The following SLC25A17 variants were observed in gnomAD, a reference collection of about 807,000 sequenced individuals.
SLC25A17 encodes solute carrier family 25 member 17.
Under a neutral mutation model 38.5 loss-of-function variants are expected in SLC25A17, and 26 were observed. That is an observed-to-expected ratio of 0.68 (90% CI 0.50 to 0.94). The LOEUF (loss-of-function observed/expected upper bound fraction) is 0.94, where lower values mean the gene tolerates loss of function less well. SLC25A17 is among the 40% of genes least tolerant of loss of function. The probability of loss-of-function intolerance (pLI) is 0.00; values close to 1 mark genes in which losing one functional copy is unlikely to be tolerated. For missense variants in SLC25A17, 333 were observed against 372.7 expected, an observed-to-expected ratio of 0.89 and a Z score of 0.88; for synonymous variants, 139 against 136.2, an observed-to-expected ratio of 1.02 and a Z score of -0.14.
intron 1 of SLC25A17, among the ~76,000 whole-genome samples, chr22:40,803,941 T>G (rs1271143011): frequency 6.6e-6 from 1 of 152,216 alleles, no homozygotes; most frequent in Non-Finnish European, 1.5e-5. Context: ...GGGCAAGTCC[T>G]TTCTCTGAAT....
intron 7 of SLC25A17, among the ~76,000 whole-genome samples, chr22:40,776,467 T>C (rs987236666): frequency 3.3e-5 from 5 of 152,276 alleles, no homozygotes; most frequent in African/African-American, 9.6e-5. Context: ...AGCAAACTTA[T>C]GCTTTCCTGA....
rs6002131 is a variant in SLC25A17 at position 40,781,294 on chromosome 22, G to A, written c.335-2169C>T. Reference sequence around the variant, plus strand: ...GGAGTCTCGCTCTTTCGCCCAGGCCGGAGTGCAGTGGTTCTATCTCGGCTC... The same window carrying A: ...GGAGTCTCGCTCTTTCGCCCAGGCCAGAGTGCAGTGGTTCTATCTCGGCTC... On this transcript the variant is annotated intron_variant, in intron 4 of 8. Transcript: ENST00000435456. Among the ~76,000 whole-genome samples the A allele has an allele frequency of 3.7e-3, 552 of 150,360 alleles. 5 individuals carry two copies. Among genetic ancestry groups the A allele is most frequent in the African/African-American group, 0.013 (516 of 40,826 alleles).
At chr22:40,786,506 T>G (rs2057339826) in intron 4 of SLC25A17, among the ~76,000 whole-genome samples, 1 of 152,216 alleles carries the variant, frequency 6.6e-6, no homozygotes, top group Non-Finnish European at 1.5e-5. Context: ...AGTATTTGCA[T>G]GTAACCTACA....
At chr22:40,810,711 G>A (rs200717694) in intron 1 of SLC25A17, among the ~76,000 whole-genome samples, 2 of 152,064 alleles carry the variant, frequency 1.3e-5, no homozygotes, top group Admixed American at 1.3e-4. Flanking sequence ...AAATCACATA[G>A]TATAAATGAC....
At chr22:40,811,535 T>C (rs113264412) in intron 1 of SLC25A17, among the ~76,000 whole-genome samples, 11 of 152,020 alleles carry the variant, frequency 7.2e-5, no homozygotes, top group Non-Finnish European at 1.3e-4. Flanking sequence ...ACTCAAGTGA[T>C]TCTCCAGCCT....
At position 40,819,225 on chromosome 22, in the gene SLC25A17, T is replaced by C. The variant is rs1441627416; in HGVS notation, c.24A>G (p.Glu8=). MASVLSY[E]SLVHAVAGAV... ...CTCCGGCCACGGCGTGGACCAGGCT[T>C]TCGTAGGACAGCACGGAAGCCATTG... is the stretch of plus-strand genomic sequence containing the variant. Residue 8 remains glutamate, a synonymous_variant, in exon 1 of 9, where the codon GAA becomes GAG. Coordinates refer to ENST00000435456, the MANE Select transcript of SLC25A17 (RefSeq NM_006358.4). The C allele has an allele frequency of 6.2e-7, 1 of 1,613,514 alleles. No homozygotes were observed. The highest frequency in any genetic ancestry group is 2.2e-5 in the East Asian group (1 of 44,850).
In SLC25A17 at chr22:40,792,624, T is replaced by C; in HGVS notation, c.235A>G (p.Asn79Asp). ...TTAAAAGTGTAGAAATAGACAAAAT[T>C]GGAGCAGCAGAGACTGGAAATCACT... The part of the protein sequence containing the change: ...FPVISSLCCS[N>D]FVYFYTFNSL... The change falls in exon 4 of 9, where the codon AAT becomes GAT. Residue 79 changes from asparagine (N) to aspartate (D), a missense_variant. Coordinates refer to ENST00000435456, the MANE Select transcript of SLC25A17 (RefSeq NM_006358.4). The C allele has an allele frequency of 6.2e-7, 1 of 1,614,002 alleles. No individual in the cohort carries two copies.
intron 1 of SLC25A17, among the ~76,000 whole-genome samples, chr22:40,807,831 T>C (rs1433243721): frequency 1.3e-5 from 2 of 152,178 alleles, no homozygotes; most frequent in African/African-American, 4.8e-5. Context: ...GGACTTGCTA[T>C]ATTTGTCTCC....
intron 4 of SLC25A17, among the ~76,000 whole-genome samples, chr22:40,781,376 GC>G (rs2057293144): frequency 6.6e-6 from 1 of 151,858 alleles, no homozygotes; most frequent in Non-Finnish European, 1.5e-5. Flanking sequence ...CTCCCGAGTA[GC>G]CAGGACTACA....
intron 1 of SLC25A17, among the ~76,000 whole-genome samples, chr22:40,812,151 T>G (rs947333352): frequency 1.3e-5 from 2 of 151,950 alleles, no homozygotes; most frequent in Non-Finnish European, 2.9e-5. Context: ...TGCCTCAGCC[T>G]CTCAAAGTGC....
At chr22:40,784,372 C>T (rs534115154) in intron 4 of SLC25A17, 6 of 152,238 alleles carry the variant, frequency 3.9e-5, no homozygotes, top group African/African-American at 1.2e-4. Flanking sequence ...CTAACTCATA[C>T]GTTTGCAGGG....
chr22:40,812,226 A>G (rs1813520580), intron 1 of SLC25A17, among the ~76,000 whole-genome samples: 1 of 152,016 alleles, frequency 6.6e-6, no homozygotes, highest in South Asian at 2.1e-4. Flanking sequence ...ATGCATCATC[A>G]TCTACATTTC....
Position 40,819,186 on chromosome 22 carries a change from C to T in SLC25A17, c.54+9G>A. 6.2e-7 allele frequency: 1 copy of T among 1,613,726 alleles called. No individual in the cohort carries two copies. Among genetic ancestry groups the T allele is most frequent in the South Asian group, 1.1e-5 (1 of 91,066 alleles). On this transcript the variant is annotated intron_variant, in intron 1 of 8. Coordinates refer to ENST00000435456, the MANE Select transcript of SLC25A17 (RefSeq NM_006358.4). ...CCGTTGCGGCCCGGGCGTAAAGACC[C>T]CGTCTCACCACGGCTCCGGCCACGG... is the stretch of plus-strand genomic sequence containing the variant.
At chr22:40,777,192 C>T (rs1233933923) in intron 6 of SLC25A17, 36 bp downstream of exon 6, 1 of 1,613,440 alleles carries the variant, frequency 6.2e-7, no homozygotes, top group African/African-American at 1.3e-5. Context: ...AGGTGTCAGA[C>T]AGAATTATTT....
At chr22:40,785,816 G>T (rs138295) in intron 4 of SLC25A17, among the ~76,000 whole-genome samples, 103,174 of 150,500 alleles carry the variant, frequency 0.69, 35,934 homozygotes, top group African/African-American at 0.78. Context: ...TTTTTTTTTT[G>T]GTAGAAATGA....
chr22:40,779,158 G>A (rs767157444), intron 4 of SLC25A17, 33 bp from the exon 5 acceptor site: 15 of 1,613,934 alleles, frequency 9.3e-6, no homozygotes, highest in Non-Finnish European at 7.6e-6. Context: ...AAAAAGGGAA[G>A]GCAAAATGTC....
rs761525397 is a variant in SLC25A17 at position 40,770,939 on chromosome 22, T to C, written c.819A>G (p.Lys273=). 3 of 1,611,268 alleles carry C rather than the reference T, an allele frequency of 1.9e-6. No individual in the cohort carries two copies. In the African/African-American group the frequency reaches 4.0e-5, roughly 22 times the overall value. ...IMGLYKGLEA[K]LLQTVLTAAL... ...CAGCAGTGAGGACTGTCTGCAGCAG[T>C]TTGGCTTCAAGGCCTTTGTAGAGTC... The change falls in exon 9 of 9, where the codon AAA becomes AAG. Residue 273 remains lysine, a synonymous_variant. Transcript: ENST00000435456.
At chr22:40,784,543 C>T in intron 4 of SLC25A17, 1 of 270,818 alleles carries the variant, frequency 3.7e-6, no homozygotes, top group South Asian at 3.4e-5. Context: ...AAGGTCGAGG[C>T]AGAAGAATCT....
chr22:40,798,492 G>A (rs1310205397), intron 2 of SLC25A17, among the ~76,000 whole-genome samples: 1 of 151,990 alleles, frequency 6.6e-6, no homozygotes, highest in Non-Finnish European at 1.5e-5. Context: ...GAGTGGGAAA[G>A]GGGGTGAGCA....
Sources: allele counts gnomAD v4.1 joint callset (sites outside exome capture counted in the v4.1 genomes callset), GRCh38; gene constraint gnomAD v4.1.1; transcripts MANE v1.5; gene names NCBI Gene and HGNC (gene_info 2026-07-23, HGNC 2026-07-21).